Variants in TSEN2 observed in about 807,000 individuals in gnomAD.
TSEN2 encodes tRNA splicing endonuclease subunit 2, also known as tRNA-splicing endonuclease subunit Sen2.
In TSEN2, 54 loss-of-function variants were observed where a neutral mutation model predicts 59.2. The observed-to-expected ratio is 0.91, with a 90% CI of 0.73 to 1.14. The LOEUF is 1.14. Ranked by LOEUF, TSEN2 falls within the 50% of genes most tolerant of loss-of-function variation. The pLI is 0.00. For missense variants in TSEN2, 636 were observed against 576.2 expected (o/e 1.10, Z -1.06); for synonymous variants, 195 against 198.2 (o/e 0.98, Z 0.14).
chr3:12,500,537 G>T (rs2054188803), intron 4 of TSEN2, among the ~76,000 whole-genome samples: 1 of 152,174 alleles, frequency 6.6e-6, no homozygotes, highest in Admixed American at 6.5e-5. Context: ...GTTCATCCCT[G>T]CACTGCTGCC....
chr3:12,498,321 A>G (rs2053956712), intron 4 of TSEN2, among the ~76,000 whole-genome samples: 1 of 152,184 alleles, frequency 6.6e-6, no homozygotes, highest in African/African-American at 2.4e-5. Context: ...TGCACTGAGA[A>G]GTGAAAGCGA....
intron 1 of TSEN2, among the ~76,000 whole-genome samples, chr3:12,488,848 G>A (rs575363445): frequency 1.3e-5 from 2 of 152,294 alleles, no homozygotes; most frequent in African/African-American, 4.8e-5. Context: ...CATGGGCTTG[G>A]GAGTTCAACA....
chr3:12,480,713 T>A (rs901008967), upstream of TSEN2, among the ~76,000 whole-genome samples: 1 of 151,970 alleles, frequency 6.6e-6, no homozygotes, highest in South Asian at 2.1e-4. Flanking sequence ...ATATTTTTTT[T>A]AGTAGAGACG....
chr3:12,498,537 C>A (rs1300986704), intron 4 of TSEN2, among the ~76,000 whole-genome samples: 3 of 152,146 alleles, frequency 2.0e-5, no homozygotes, highest in Non-Finnish European at 2.9e-5. Flanking sequence ...CTTCATGAAT[C>A]CTGCATCTTT....
At position 12,526,209 on chromosome 3, in the gene TSEN2, GA is replaced by G. The variant is rs147499153; in HGVS notation, c.1100-2672del. On this transcript the variant is annotated intron_variant, in intron 8 of 11. Transcript: ENST00000284995. ...ATGTGTATAAAAAAATCTAAAGACA[GA>G]AAAAAAGTGTTTATAAAGAGTACAG... 8.5e-5 allele frequency among the ~76,000 whole-genome samples: 13 copies of G among 152,080 alleles called. No homozygotes were observed. In the South Asian group the frequency reaches 2.5e-3, roughly 29 times the overall value.
intron 6 of TSEN2, among the ~76,000 whole-genome samples, chr3:12,507,707 T>A (rs961725386): frequency 6.6e-6 from 1 of 152,166 alleles, no homozygotes; most frequent in Non-Finnish European, 1.5e-5. Flanking sequence ...TCATTACAGT[T>A]CAGTGTGATA....
rs542721255 is a variant in TSEN2 at position 12,485,644 on chromosome 3, A to C, written c.-18+764A>C. Among the ~76,000 whole-genome samples, 9 of 152,282 alleles carry C rather than the reference A, an allele frequency of 5.9e-5. No homozygotes were observed. The South Asian group carries it at 1.4e-3, about 25-fold the overall frequency. Reference sequence around the variant, plus strand: ...TTGCAGGTGAGGCCTGGGCATGAGGAGTTAAGGGTAGGTAAGCTTGAGGGC... The same window carrying C: ...TTGCAGGTGAGGCCTGGGCATGAGGCGTTAAGGGTAGGTAAGCTTGAGGGC... On this transcript the variant is annotated intron_variant, in intron 1 of 11. Coordinates refer to ENST00000284995, the MANE Select transcript of TSEN2 (RefSeq NM_025265.4).
At chr3:12,538,808 A>C (rs2057741661) in intron 10 of TSEN2, 1 of 162,496 alleles carries the variant, frequency 6.2e-6, no homozygotes, top group African/African-American at 2.4e-5. Context: ...ACAGTTTCTC[A>C]TCCCAGTTTC....
chr3:12,492,075 A>T, intron 2 of TSEN2, 61 bp from the exon 3 acceptor site: 1 of 1,409,460 alleles, frequency 7.1e-7, no homozygotes, highest in Non-Finnish European at 1.0e-6. Flanking sequence ...TGTATATTCT[A>T]CCTCAGCTAA....
intron 4 of TSEN2, among the ~76,000 whole-genome samples, chr3:12,501,650 C>T (rs999507932): frequency 5.3e-5 from 8 of 151,704 alleles, no homozygotes; most frequent in African/African-American, 1.7e-4. Flanking sequence ...CACAAATTTG[C>T]GTGTCATCTT....
Position 12,505,462 on chromosome 3 carries a change from G to T in TSEN2, c.909+231G>T. Reference sequence around the variant, plus strand: ...CAATCATTCCACAGAAGATTCGAGGGGTTTTTCTGAGTACTTCTTTTCTCA... The same window carrying T: ...CAATCATTCCACAGAAGATTCGAGGTGTTTTTCTGAGTACTTCTTTTCTCA... On this transcript the variant is annotated intron_variant, in intron 6 of 11. Coordinates refer to ENST00000284995, the MANE Select transcript of TSEN2 (RefSeq NM_025265.4). 4.1e-6 allele frequency: 2 copies of T among 493,228 alleles called. 1 individual carries two copies. Among genetic ancestry groups the T allele is most frequent in the South Asian group, 4.8e-5 (2 of 41,884 alleles). The allele number at this position is 493,228 out of a possible 1,614,324, so 30.6% of individuals were successfully genotyped here. A position where few individuals can be genotyped will look rare whatever the true frequency, so the allele number is the denominator to read the frequency against.
At chr3:12,518,824 CCTT>C (rs1456039364) in intron 7 of TSEN2, among the ~76,000 whole-genome samples, 1 of 151,756 alleles carries the variant, frequency 6.6e-6, no homozygotes, top group Non-Finnish European at 1.5e-5. Flanking sequence ...CAGGACCAGA[CCTT>C]CTTGCTAAAT....
At chr3:12,524,520 A>C (rs2056922410) in intron 8 of TSEN2, among the ~76,000 whole-genome samples, 1 of 152,050 alleles carries the variant, frequency 6.6e-6, no homozygotes, top group Non-Finnish European at 1.5e-5. Flanking sequence ...GTCTGTGTCA[A>C]ATCCCCTTTC....
chr3:12,504,920 G>A (rs1291008150), intron 5 of TSEN2, among the ~76,000 whole-genome samples: 1 of 152,150 alleles, frequency 6.6e-6, no homozygotes, highest in Non-Finnish European at 1.5e-5. Flanking sequence ...AGAATTGCTT[G>A]AGTCTAGGAA....
chr3:12,532,376 G>A (rs1263030351), intron 11 of TSEN2, among the ~76,000 whole-genome samples: 1 of 152,198 alleles, frequency 6.6e-6, no homozygotes, highest in Non-Finnish European at 1.5e-5. Context: ...AATGTAAAAT[G>A]CTAGCTTTCA....
At chr3:12,539,059 T>C in intron 10 of TSEN2, 1 of 405,486 alleles carries the variant, frequency 2.5e-6, no homozygotes, top group Non-Finnish European at 4.8e-6. Context: ...GAGTGACCAT[T>C]TCCTGATTTA....
In TSEN2 at chr3:12,496,542, TCA is replaced by T; in HGVS notation, c.299_300del (p.Thr100IlefsTer7). 1 of 1,614,168 alleles carries T rather than the reference TCA, an allele frequency of 6.2e-7. No homozygotes were observed. Among genetic ancestry groups the T allele is most frequent in the Non-Finnish European group, 8.5e-7 (1 of 1,180,038 alleles). Reference sequence around the variant, plus strand: ...GATATGAAGACAAACATGCCTATCATCACATCAAAGAGGTAAGTCATAATGAA... The same window carrying T: ...GATATGAAGACAAACATGCCTATCATCATCAAAGAGGTAAGTCATAATGAA... On this transcript the variant is annotated frameshift_variant, in exon 4 of 12. Transcript: ENST00000284995. LOFTEE classifies it high-confidence loss of function.
At chr3:12,494,601 A>G (rs2053555387) in intron 3 of TSEN2, among the ~76,000 whole-genome samples, 1 of 151,664 alleles carries the variant, frequency 6.6e-6, no homozygotes, top group Non-Finnish European at 1.5e-5. Context: ...GAGTTTCGCC[A>G]TGTTGAGCAG....
intron 6 of TSEN2, chr3:12,515,117 C>CA (rs2055923538): frequency 6.6e-6 from 1 of 152,208 alleles, no homozygotes; most frequent in South Asian, 2.1e-4. Context: ...CCAGGATCCC[C>CA]AGACCACCCT....
Sources: allele counts gnomAD v4.1 joint callset (sites outside exome capture counted in the v4.1 genomes callset), GRCh38; gene constraint gnomAD v4.1.1; transcripts MANE v1.5; gene names NCBI Gene and HGNC (gene_info 2026-07-23, HGNC 2026-07-21).